AFF3: variants seen among roughly 807,000 people sequenced by gnomAD.
AFF3 encodes ALF transcription elongation factor 3.
AFF3 carries 32 observed loss-of-function variants against 129.7 expected under a neutral mutation model. The ratio of observed to expected loss-of-function variants is 0.25; its 90% CI spans 0.19 to 0.33. AFF3 has a LOEUF of 0.33. AFF3 is among the 10% of genes least tolerant of loss of function. The probability of loss-of-function intolerance (pLI) is 1.00; values close to 1 mark genes in which losing one functional copy is unlikely to be tolerated. For synonymous variants in AFF3, 644 were observed against 635.4 expected (o/e 1.01, Z -0.20); for missense variants, 1,373 against 1,592.0 (o/e 0.86, Z 2.34).
At chr2:99,666,618 T>C (rs1421641853) in intron 12 of AFF3, among the ~76,000 whole-genome samples, 1 of 152,128 alleles carries the variant, frequency 6.6e-6, no homozygotes, top group Non-Finnish European at 1.5e-5. Context: ...GCAAAGTGAA[T>C]AAAAATATGA....
At chr2:100,002,505 T>C (rs1681515521) in intron 7 of AFF3, among the ~76,000 whole-genome samples, 1 of 152,238 alleles carries the variant, frequency 6.6e-6, no homozygotes, top group Admixed American at 6.5e-5. Flanking sequence ...TAATTACTTA[T>C]TTTAACAAAT....
chr2:99,922,678 G>C (rs942019544), intron 7 of AFF3, among the ~76,000 whole-genome samples: 1 of 152,130 alleles, frequency 6.6e-6, no homozygotes, highest in Non-Finnish European at 1.5e-5. Context: ...TTTAGTAACT[G>C]AACACTTCAC....
chr2:100,032,861 A>C (rs1684616202), intron 4 of AFF3, among the ~76,000 whole-genome samples: 1 of 152,172 alleles, frequency 6.6e-6, no homozygotes, highest in African/African-American at 2.4e-5. Context: ...ATTTACTATA[A>C]GTAATAAGAA....
At chr2:99,767,524 T>C (rs1038332567) in intron 8 of AFF3, among the ~76,000 whole-genome samples, 5 of 152,178 alleles carry the variant, frequency 3.3e-5, no homozygotes, top group African/African-American at 1.2e-4. Flanking sequence ...TCTGGTAAAA[T>C]GAGGTAGACA....
At chr2:100,016,762 T>C (rs150988650) in intron 4 of AFF3, among the ~76,000 whole-genome samples, 1 of 147,670 alleles carries the variant, frequency 6.8e-6, no homozygotes, top group Non-Finnish European at 1.5e-5. Context: ...TTAGTGACAG[T>C]AGTAGTGATG....
At chr2:99,968,003 A>T (rs1351010283) in intron 7 of AFF3, among the ~76,000 whole-genome samples, 1 of 152,166 alleles carries the variant, frequency 6.6e-6, no homozygotes, top group Non-Finnish European at 1.5e-5. Context: ...TGTTCTAAAG[A>T]ACAAAGCCCC....
rs569714117 is a variant in AFF3, at chr2:100,028,189, C to A, written c.54-19257G>T. 1.4e-3 allele frequency among the ~76,000 whole-genome samples: 215 copies of A among 152,196 alleles called. 1 individual carries two copies. Among genetic ancestry groups the A allele is most frequent in the African/African-American group, 4.9e-3 (205 of 41,512 alleles). On this transcript the variant is annotated intron_variant, in intron 4 of 24. Coordinates refer to ENST00000672756, the MANE Select transcript of AFF3 (RefSeq NM_001386135.1). ...TTAGGTGACAGTGGTGTCTCCCAGG[C>A]AGCTTGAGGAAGTGTAAATCAGAAG...
At chr2:99,999,807 A>G (rs1351688340) in intron 7 of AFF3, among the ~76,000 whole-genome samples, 1 of 152,216 alleles carries the variant, frequency 6.6e-6, no homozygotes, top group African/African-American at 2.4e-5. Flanking sequence ...TCTGGCCAGC[A>G]AATGGAGTGA....
In AFF3 at chr2:99,754,062, C is replaced by T. The variant is rs561218005; in HGVS notation, c.922-1761G>A. 1.8e-4 allele frequency among the ~76,000 whole-genome samples: 28 copies of T among 152,226 alleles called. No homozygotes were observed. In the South Asian group the frequency reaches 4.6e-3, roughly 25 times the overall value. ...AGCTCTTACCCAGAGTGTTACTACC[C>T]GATTAAGAAAGCCATGAAGACACAA... On this transcript the variant is annotated intron_variant, in intron 8 of 24. Coordinates refer to ENST00000672756, the MANE Select transcript of AFF3 (RefSeq NM_001386135.1).
intron 11 of AFF3, among the ~76,000 whole-genome samples, chr2:99,690,273 C>T (rs938282974): frequency 8.0e-5 from 12 of 149,828 alleles, no homozygotes; most frequent in South Asian, 4.4e-4. Flanking sequence ...CTCCGCCTCC[C>T]GGGTTCACGC....
intron 4 of AFF3, among the ~76,000 whole-genome samples, chr2:100,092,486 T>C (rs1290283056): frequency 6.6e-6 from 1 of 152,144 alleles, no homozygotes; most frequent in Non-Finnish European, 1.5e-5. Flanking sequence ...AACGTGACCA[T>C]TTTGCTCCCC....
chr2:99,932,442 C>T (rs917232299), intron 7 of AFF3, among the ~76,000 whole-genome samples: 2 of 152,166 alleles, frequency 1.3e-5, no homozygotes, highest in Non-Finnish European at 2.9e-5. Context: ...CACAGAGCAT[C>T]CTCTAGTTAT....
intron 7 of AFF3, among the ~76,000 whole-genome samples, chr2:99,943,651 C>T (rs1675273764): frequency 6.6e-6 from 1 of 152,168 alleles, no homozygotes; most frequent in African/African-American, 2.4e-5. Flanking sequence ...CATAGATTCA[C>T]TGCACTGAAT....
At chr2:100,127,569 A>T (rs547726801) in intron 2 of AFF3, among the ~76,000 whole-genome samples, 1 of 152,254 alleles carries the variant, frequency 6.6e-6, no homozygotes, top group South Asian at 2.1e-4. Flanking sequence ...CTGCTCTTCC[A>T]TGCCACTGCT....
chr2:100,105,309 C>G, intron 3 of AFF3, 195 bp downstream of exon 3: 1 of 1,195,468 alleles, frequency 8.4e-7, no homozygotes, highest in Non-Finnish European at 1.1e-6. Flanking sequence ...TGAGCTGTGC[C>G]GCCCGCAGCA....
At position 99,758,921 on chromosome 2, in the gene AFF3, C is replaced by T. The variant is rs532057727; in HGVS notation, c.922-6620G>A. Among the ~76,000 whole-genome samples the T allele has an allele frequency of 7.9e-5, 12 of 152,268 alleles. No individual in the cohort carries two copies. The South Asian group carries it at 1.7e-3, about 21-fold the overall frequency. On this transcript the variant is annotated intron_variant, in intron 8 of 24. Transcript: ENST00000672756. The stretch of plus-strand genomic sequence containing the variant: ...TCACCCTAGTACTCAAGACCTTCTA[C>T]AATAAGGTCCCAGTCTTCAGCTTCA...
intron 17 of AFF3, among the ~76,000 whole-genome samples, chr2:99,582,133 G>A (rs1364259561): frequency 6.6e-6 from 1 of 152,196 alleles, no homozygotes; most frequent in Non-Finnish European, 1.5e-5. Flanking sequence ...GGGATTACAG[G>A]CATGAGCCAC....
At chr2:99,762,454 C>T (rs940782284) in intron 8 of AFF3, among the ~76,000 whole-genome samples, 1 of 152,164 alleles carries the variant, frequency 6.6e-6, no homozygotes, top group African/African-American at 2.4e-5. Flanking sequence ...CTACATGCTA[C>T]TCAGTGCTGT....
chr2:99,884,285 C>A (rs1558944682), intron 7 of AFF3, among the ~76,000 whole-genome samples: 1 of 152,200 alleles, frequency 6.6e-6, no homozygotes, highest in Non-Finnish European at 1.5e-5. Context: ...AGCTATTTAA[C>A]ACATCCATCA....
Sources: gnomAD v4.1 joint callset for allele counts (sites outside exome capture counted in the v4.1 genomes callset) on GRCh38, gnomAD v4.1.1 for gene constraint, MANE v1.5 for transcripts, NCBI Gene and HGNC (gene_info 2026-07-23, HGNC 2026-07-21) for gene names.